Variants in ATP6V1H observed in about 807,000 individuals in gnomAD.
ATP6V1H encodes V-type proton ATPase subunit H.
ATP6V1H carries 39 observed loss-of-function variants against 71.7 expected under a neutral mutation model. The ratio of observed to expected loss-of-function variants is 0.54; its 90% confidence interval spans 0.42 to 0.71. The LOEUF is 0.71. Ranked by LOEUF, ATP6V1H falls within the 30% of genes least tolerant of loss-of-function variation. ATP6V1H has a pLI of 0.00. For missense variants in ATP6V1H, 509 were observed against 594.9 expected, an observed-to-expected ratio of 0.86 and a Z score of 1.50; for synonymous variants, 192 against 199.3, an observed-to-expected ratio of 0.96 and a Z score of 0.31.
intron 13 of ATP6V1H, among the ~76,000 whole-genome samples, chr8:53,720,437 G>A (rs1585713760): frequency 6.6e-6 from 1 of 152,184 alleles, no homozygotes; most frequent in African/African-American, 2.4e-5. Flanking sequence ...AGGCTTGACA[G>A]GGGCATTCTG....
At chr8:53,839,543 T>C (rs1811278103) in intron 2 of ATP6V1H, 1 of 912,108 alleles carries the variant, frequency 1.1e-6, no homozygotes, top group Non-Finnish European at 1.3e-6. Flanking sequence ...ACTCTCTCAA[T>C]CTAACCAATT....
At chr8:53,767,075 C>T (rs973534961) in intron 11 of ATP6V1H, among the ~76,000 whole-genome samples, 6 of 152,134 alleles carry the variant, frequency 3.9e-5, no homozygotes, top group Admixed American at 1.3e-4. Flanking sequence ...ATGTCTTCCC[C>T]GGATGCCCAG....
At chr8:53,740,803 A>G (rs1466815836) in intron 13 of ATP6V1H, among the ~76,000 whole-genome samples, 1 of 152,220 alleles carries the variant, frequency 6.6e-6, no homozygotes, top group African/African-American at 2.4e-5. Context: ...ATTACTTTCC[A>G]AATGGTATTC....
At chr8:53,790,861 A>C (rs1323248996) in intron 9 of ATP6V1H, among the ~76,000 whole-genome samples, 1 of 152,216 alleles carries the variant, frequency 6.6e-6, no homozygotes, top group Non-Finnish European at 1.5e-5. Flanking sequence ...TAAAACGTCA[A>C]GGGGGCTCCG....
intron 12 of ATP6V1H, among the ~76,000 whole-genome samples, chr8:53,754,407 G>T (rs73682568): frequency 0.18 from 27,074 of 152,004 alleles, 4,034 homozygotes; most frequent in African/African-American, 0.39. Flanking sequence ...GCCATTTCAT[G>T]AAGGCTACTA....
intron 13 of ATP6V1H, among the ~76,000 whole-genome samples, chr8:53,741,329 T>C (rs1386446194): frequency 1.3e-5 from 2 of 152,224 alleles, no homozygotes; most frequent in Non-Finnish European, 2.9e-5. Flanking sequence ...ACATCTTGCC[T>C]TTCATATTAG....
chr8:53,765,454 A>AACACACACAC (rs59822523), intron 11 of ATP6V1H, among the ~76,000 whole-genome samples: 31 of 74,124 alleles, frequency 4.2e-4, no homozygotes, highest in African/African-American at 1.4e-3. Flanking sequence ...CAACAACAAC[A>AACACACACAC]ACACACACAC....
chr8:53,825,321 G>A (rs139630706), intron 4 of ATP6V1H, among the ~76,000 whole-genome samples: 337 of 152,108 alleles, frequency 2.2e-3, no homozygotes, highest in African/African-American at 7.7e-3. Context: ...ACAGGCATGA[G>A]CTACTGCCAG....
At chr8:53,716,104 C>T (rs753381309) in intron 13 of ATP6V1H, 80 bp from the exon 14 acceptor site, 42 of 1,115,570 alleles carry the variant, frequency 3.8e-5, no homozygotes, top group Middle Eastern at 2.0e-4. Context: ...ACATTATGCA[C>T]TGTCATATAT....
intron 11 of ATP6V1H, among the ~76,000 whole-genome samples, chr8:53,757,696 G>C (rs927782536): frequency 9.2e-5 from 14 of 152,096 alleles, no homozygotes; most frequent in Non-Finnish European, 1.6e-4. Flanking sequence ...CTAGTACACT[G>C]AGACACAATA....
intron 11 of ATP6V1H, 152 bp from the exon 12 acceptor site, chr8:53,756,808 C>T: frequency 1.9e-6 from 1 of 532,636 alleles, no homozygotes; most frequent in South Asian, 3.6e-5. Context: ...CATAAGTTTG[C>T]AGTTTTCAAA....
chr8:53,842,058 T>C (rs1000678174), intron 1 of ATP6V1H, among the ~76,000 whole-genome samples: 1 of 152,246 alleles, frequency 6.6e-6, no homozygotes, highest in African/African-American at 2.4e-5. Context: ...TGTAAATTTA[T>C]ACAATTGTGG....
At chr8:53,807,692 T>G (rs1461958895) in intron 7 of ATP6V1H, among the ~76,000 whole-genome samples, 2 of 152,208 alleles carry the variant, frequency 1.3e-5, no homozygotes, top group South Asian at 2.1e-4. Context: ...TTGGTTGGTT[T>G]GTTTTTCTGA....
intron 8 of ATP6V1H, among the ~76,000 whole-genome samples, chr8:53,797,151 T>G (rs1049292424): frequency 2.6e-5 from 4 of 152,250 alleles, no homozygotes; most frequent in Non-Finnish European, 5.9e-5. Context: ...CCTTCTGCAC[T>G]TGGCTTTGTG....
chr8:53,818,596 A>T (rs1227581388), intron 4 of ATP6V1H, among the ~76,000 whole-genome samples: 1 of 152,176 alleles, frequency 6.6e-6, no homozygotes, highest in Non-Finnish European at 1.5e-5. Flanking sequence ...TCATTGCTTC[A>T]TTGGTAGAGG....
At chr8:53,738,623 T>C (rs971029459) in intron 13 of ATP6V1H, among the ~76,000 whole-genome samples, 1 of 152,244 alleles carries the variant, frequency 6.6e-6, no homozygotes, top group Non-Finnish European at 1.5e-5. Flanking sequence ...GTAATTGATT[T>C]TATGTTTAAT....
At chr8:53,814,794 C>T (rs560493381) in intron 5 of ATP6V1H, 28 bp from the exon 6 acceptor site, 18 of 1,469,190 alleles carry the variant, frequency 1.2e-5, no homozygotes, top group Admixed American at 3.5e-5. Flanking sequence ...ATACATTTAA[C>T]GCAACATTAA....
chr8:53,836,326 G>A (rs1004653114), intron 2 of ATP6V1H, among the ~76,000 whole-genome samples: 1 of 152,170 alleles, frequency 6.6e-6, no homozygotes, highest in African/African-American at 2.4e-5. Context: ...ATACCATGAA[G>A]GCTACACTTG....
chr8:53,842,196 A>T (rs1811363251), intron 1 of ATP6V1H, among the ~76,000 whole-genome samples: 1 of 152,242 alleles, frequency 6.6e-6, no homozygotes, highest in Non-Finnish European at 1.5e-5. Context: ...AAATTACTCA[A>T]ATTAAAATAC....
Sources: gnomAD v4.1 joint callset for allele counts (sites outside exome capture counted in the v4.1 genomes callset) on GRCh38, gnomAD v4.1.1 for gene constraint, MANE v1.5 for transcripts, NCBI Gene and HGNC (gene_info 2026-07-23, HGNC 2026-07-21) for gene names.